NID1: variants seen among roughly 807,000 people sequenced by gnomAD.
The protein encoded by NID1 is nidogen 1.
NID1 carries 76 observed loss-of-function variants against 130.6 expected under a neutral mutation model. The observed-to-expected ratio is 0.58, with a 90% CI of 0.48 to 0.70. The LOEUF is 0.70. NID1 is among the 30% of genes least tolerant of loss of function. NID1 has a pLI of 0.00. For missense variants in NID1, 1,517 were observed against 1,664.8 expected, an observed-to-expected ratio of 0.91 and a Z score of 1.54; for synonymous variants, 665 against 675.1, an observed-to-expected ratio of 0.98 and a Z score of 0.23.
intron 1 of NID1, among the ~76,000 whole-genome samples, chr1:236,053,204 C>T (rs747398239): frequency 1.3e-5 from 2 of 151,924 alleles, no homozygotes; most frequent in Non-Finnish European, 2.9e-5. Flanking sequence ...ATGTAGAGCT[C>T]ACATTTATTT....
chr1:236,045,742 G>C, intron 2 of NID1, 59 bp from the exon 3 acceptor site: 1 of 1,320,802 alleles, frequency 7.6e-7, no homozygotes, highest in Non-Finnish European at 1.1e-6. Context: ...TTTAAAATGT[G>C]TTATTCGCCA....
chr1:236,048,995 C>T lies in NID1; in HGVS notation c.226-6G>A. 3 of 1,610,358 alleles carry T rather than the reference C, an allele frequency of 1.9e-6. No individual in the cohort carries two copies. The highest frequency in any genetic ancestry group is 1.1e-5 in the South Asian group (1 of 90,344). On this transcript the variant is annotated splice_polypyrimidine_tract_variant and splice_region_variant and intron_variant, in intron 1 of 19. Transcript: ENST00000264187. The stretch of plus-strand genomic sequence containing the variant: ...ATGATGCCATTTGTGGTGACCTGTA[C>T]AAAACCAAGTGTGGTTAAAAGGAAT...
rs6669467 is a variant in NID1, at chr1:236,012,285, C to T, written c.2405-242G>A. ...ATGAAAAATGTTTTTGGCCAGGCAC[C>T]GTGGCTCACGCCTGTAATCCTAGCA... On this transcript the variant is annotated intron_variant, in intron 11 of 19. Transcript: ENST00000264187. Among the ~76,000 whole-genome samples the T allele has an allele frequency of 0.33, 49,484 of 152,020 alleles. 11,170 individuals are homozygous for T. Among genetic ancestry groups the T allele is most frequent in the East Asian group, 0.7 (3,603 of 5,184 alleles).
chr1:236,047,276 T>C (rs1659629230), intron 2 of NID1, among the ~76,000 whole-genome samples: 1 of 152,228 alleles, frequency 6.6e-6, no homozygotes, highest in Non-Finnish European at 1.5e-5. Context: ...CTTGTAGGAC[T>C]GGTGTTTTGT....
intron 15 of NID1, among the ~76,000 whole-genome samples, chr1:235,983,296 A>G (rs1657488736): frequency 6.6e-6 from 1 of 152,226 alleles, no homozygotes; most frequent in African/African-American, 2.4e-5. Context: ...GAGCCCCCAG[A>G]AAGAAAGCCC....
chr1:235,984,950 G>A (rs1657530605), intron 15 of NID1, among the ~76,000 whole-genome samples: 1 of 152,134 alleles, frequency 6.6e-6, no homozygotes, highest in African/African-American at 2.4e-5. Context: ...AGCACTTTGG[G>A]AGGCCGAGGT....
Position 236,051,699 on chromosome 1 carries a change from C to T in NID1, c.226-2710G>A, listed in dbSNP as rs182183556. ...CAGCACAAGCATCCCAGGGAGCTGC[C>T]GTGTGGGAGCGTGGGAAACGGCTCA... On this transcript the variant is annotated intron_variant, in intron 1 of 19. Coordinates refer to ENST00000264187, the MANE Select transcript of NID1 (RefSeq NM_002508.3). Among the ~76,000 whole-genome samples, 578 of 152,278 alleles carry T rather than the reference C, an allele frequency of 3.8e-3. 6 individuals carry two copies. The highest frequency in any genetic ancestry group is 0.013 in the African/African-American group (525 of 41,544).
intron 7 of NID1, among the ~76,000 whole-genome samples, chr1:236,026,783 G>A (rs1658943316): frequency 6.7e-6 from 1 of 148,770 alleles, no homozygotes; most frequent in South Asian, 2.1e-4. Flanking sequence ...TTGTCACCCA[G>A]GCTGGAGAGC....
chr1:235,983,209 G>A (rs745888805), intron 15 of NID1, among the ~76,000 whole-genome samples: 1 of 152,150 alleles, frequency 6.6e-6, no homozygotes, highest in Admixed American at 6.5e-5. Context: ...TACAAGCAGT[G>A]CAGACCCTCA....
intron 9 of NID1, among the ~76,000 whole-genome samples, chr1:236,017,683 C>G (rs538033989): frequency 4.6e-5 from 7 of 152,338 alleles, no homozygotes; most frequent in African/African-American, 1.7e-4. Context: ...CGCCCCTAGC[C>G]TAAAATAAAT....
chr1:236,053,910 G>A (rs1225213642), intron 1 of NID1, among the ~76,000 whole-genome samples: 1 of 152,088 alleles, frequency 6.6e-6, no homozygotes, highest in Non-Finnish European at 1.5e-5. Context: ...CTTGCCACTG[G>A]AGTAAAATGC....
chr1:236,036,931 T>G (rs188286862), intron 5 of NID1, among the ~76,000 whole-genome samples: 4 of 152,308 alleles, frequency 2.6e-5, no homozygotes, highest in Admixed American at 2.6e-4. Flanking sequence ...GGTATTCTGC[T>G]AGAAGCATCA....
intron 9 of NID1, among the ~76,000 whole-genome samples, chr1:236,020,598 G>A (rs1658732798): frequency 6.6e-6 from 1 of 152,218 alleles, no homozygotes; most frequent in South Asian, 2.1e-4. Flanking sequence ...AACCACCCTT[G>A]TTTGGGGTGT....
At chr1:236,048,383 A>G (rs574884471) in intron 2 of NID1, among the ~76,000 whole-genome samples, 117 of 152,162 alleles carry the variant, frequency 7.7e-4, no homozygotes, top group African/African-American at 2.3e-3. Flanking sequence ...TCCTTCCACT[A>G]TCTGCCACCT....
At chr1:236,039,175 T>C (rs1385620279) in intron 4 of NID1, among the ~76,000 whole-genome samples, 1 of 145,724 alleles carries the variant, frequency 6.9e-6, no homozygotes, top group African/African-American at 2.5e-5. Flanking sequence ...ATAAAATATA[T>C]TTATATGTTA....
At chr1:235,999,885 G>A (rs569255037) in intron 12 of NID1, among the ~76,000 whole-genome samples, 13 of 152,202 alleles carry the variant, frequency 8.5e-5, no homozygotes, top group Non-Finnish European at 1.2e-4. Flanking sequence ...GGTTGGCCAC[G>A]TCTCATTACC....
At chr1:236,049,368 A>G (rs1466717187) in intron 1 of NID1, among the ~76,000 whole-genome samples, 2 of 152,174 alleles carry the variant, frequency 1.3e-5, no homozygotes, top group Non-Finnish European at 2.9e-5. Context: ...AGTTCCAGCT[A>G]CTTGGGAGGC....
At chr1:236,016,166 AAAG>A (rs1055698693) in intron 10 of NID1, among the ~76,000 whole-genome samples, 4 of 152,148 alleles carry the variant, frequency 2.6e-5, no homozygotes, top group African/African-American at 7.2e-5. Context: ...GAAAAAAAAA[AAAG>A]AAGTAACTTC....
intron 4 of NID1, among the ~76,000 whole-genome samples, chr1:236,038,597 AT>A (rs1195448167): frequency 6.6e-6 from 1 of 151,836 alleles, no homozygotes; most frequent in African/African-American, 2.4e-5. Flanking sequence ...GATGGTGTCC[AT>A]CCAAACTAGT....
Sources: gnomAD v4.1 joint callset for allele counts (sites outside exome capture counted in the v4.1 genomes callset) on GRCh38, gnomAD v4.1.1 for gene constraint, MANE v1.5 for transcripts, NCBI Gene and HGNC (gene_info 2026-07-23, HGNC 2026-07-21) for gene names.